Variants in ZNF234 observed in about 807,000 individuals in gnomAD.
ZNF234 encodes zinc finger protein 234, also known as C2-H2 type zinc finger protein.
Under a neutral mutation model 10.3 loss-of-function variants are expected in ZNF234, and 4 were observed. The observed-to-expected ratio is 0.39, with a 90% CI of 0.19 to 0.89. The LOEUF is 0.89. Among genes scored for constraint, ZNF234 ranks in the 40% least tolerant of loss-of-function variants. The pLI is 0.38. For synonymous variants in ZNF234, 258 were observed against 280.1 expected (o/e 0.92, Z 0.79); for missense variants, 711 against 836.1 (o/e 0.85, Z 1.85).
rs1281623194 is a variant in ZNF234, at chr19:44,148,796, C to G, written c.41C>G (p.Ala14Gly). 1 of 1,613,948 alleles carries G rather than the reference C, an allele frequency of 6.2e-7. No homozygotes were observed. Among genetic ancestry groups the G allele is most frequent in the East Asian group, 2.2e-5 (1 of 44,866 alleles). ...GAGGGACTGACCTTCAAGGATGTGGCTGTGGTCTTCACTGAGGAGGAGCTG... is the reference window on the plus strand; with the variant it reads ...GAGGGACTGACCTTCAAGGATGTGGGTGTGGTCTTCACTGAGGAGGAGCTG... ...FKEGLTFKDV[A>G]VVFTEEELGL... is the part of the protein sequence containing the mutation. The change falls in exon 4 of 6, where the codon GCT (alanine) becomes GGT (glycine). Residue 14 changes from alanine to glycine, a missense_variant. By Grantham distance (60) the Ala-to-Gly change is moderately conservative. Transcript: ENST00000426739.
chr19:44,150,595 G>A, intron 5 of ZNF234, 90 bp downstream of exon 5: 2 of 1,055,352 alleles, frequency 1.9e-6, no homozygotes, highest in Non-Finnish European at 2.7e-6. Flanking sequence ...GGTCCAAATT[G>A]CCAAACCTCT....
chr19:44,147,523 C>T lies in ZNF234; in HGVS notation c.16-1248C>T, dbSNP rs565648680. On this transcript the variant is annotated intron_variant, in intron 3 of 5. Transcript: ENST00000426739. The stretch of plus-strand genomic sequence containing the variant: ...AAAGTGCTGGGATTACAGGTGTGAG[C>T]GACTGTGCATGGCCTGCAATCATTT... 7.2e-5 allele frequency among the ~76,000 whole-genome samples: 11 copies of T among 152,172 alleles called. No homozygotes were observed. In the South Asian group the frequency reaches 1.5e-3, roughly 20 times the overall value.
intron 1 of ZNF234, 106 bp from the exon 2 acceptor site, chr19:44,142,208 T>G (rs1481755380): frequency 3.3e-5 from 5 of 152,228 alleles, no homozygotes. Context: ...GACCTCTTTT[T>G]AGGCAGGCGA....
At chr19:44,143,402 G>T (rs946691890) in intron 2 of ZNF234, among the ~76,000 whole-genome samples, 2 of 152,152 alleles carry the variant, frequency 1.3e-5, no homozygotes, top group Admixed American at 1.3e-4. Context: ...GAGGTCAGGA[G>T]ATCAAGACCA....
At chr19:44,150,556 A>T (rs1968715623) in intron 5 of ZNF234, 51 bp downstream of exon 5, 1 of 1,447,326 alleles carries the variant, frequency 6.9e-7, no homozygotes, top group South Asian at 1.3e-5. Context: ...CATCTGTTGT[A>T]CTTCTCTCCC....
At position 44,141,967 on chromosome 19, in the gene ZNF234, T is replaced by C. The variant is rs997861085; in HGVS notation, c.-131+234T>C. ...TGGCGTGTTAATCTCCCTGGGCCTC[T>C]CCTTGCTGTTCTTTAAAATGGGGAC... On this transcript the variant is annotated intron_variant, in intron 1 of 5. Transcript: ENST00000426739. This position sits in a 1 kb window ranked among gnomAD's most constrained non-coding sequence, Gnocchi z 4.6. 3.3e-5 allele frequency: 5 copies of C among 152,360 alleles called. No homozygotes were observed. Among genetic ancestry groups the C allele is most frequent in the African/African-American group, 9.6e-5 (4 of 41,472 alleles). 9.4% of individuals were successfully genotyped at this position (152,360 alleles called of 1,614,324 possible).
chr19:44,148,905 C>A lies in ZNF234; in HGVS notation c.142+8C>A. 6.2e-7 allele frequency: 1 copy of A among 1,611,250 alleles called. No homozygotes were observed. Among genetic ancestry groups the A allele is most frequent in the Non-Finnish European group, 8.5e-7 (1 of 1,178,486 alleles). On this transcript the variant is annotated splice_region_variant and intron_variant, in intron 4 of 5. Coordinates refer to ENST00000426739, the MANE Select transcript of ZNF234 (RefSeq NM_006630.3). The stretch of plus-strand genomic sequence containing the variant: ...GGAACCTGCTGTCAGTGGGTGAGGA[C>A]ATGAGCTTTCTAACACTCAATGTCA...
rs1042915065 is a variant in ZNF234, at chr19:44,158,834, A to C, written c.*715A>C. Reference sequence around the variant, plus strand: ...TGATGTCCATTAGACTGTAAGCTCCATGGGGGCAGGAACTTTGCTACCGAA... The same window carrying C: ...TGATGTCCATTAGACTGTAAGCTCCCTGGGGGCAGGAACTTTGCTACCGAA... On this transcript the variant is annotated 3_prime_UTR_variant, in exon 6 of 6. Transcript: ENST00000426739. 1.2e-4 allele frequency: 18 copies of C among 152,712 alleles called. No homozygotes were observed. Among genetic ancestry groups the C allele is most frequent in the African/African-American group, 3.6e-4 (15 of 41,262 alleles). 9.5% of individuals were successfully genotyped at this position (152,712 alleles called of 1,614,324 possible). A position where few individuals can be genotyped will look rare whatever the true frequency, so the allele number is the denominator to read the frequency against.
At chr19:44,143,011 A>G (rs1447321007) in intron 2 of ZNF234, among the ~76,000 whole-genome samples, 1 of 152,218 alleles carries the variant, frequency 6.6e-6, no homozygotes, top group Non-Finnish European at 1.5e-5. Context: ...AGATAAAGAG[A>G]TAATAAACTA....
In ZNF234 at chr19:44,157,923, C is replaced by T; in HGVS notation, c.1907C>T (p.Ser636Phe). 6.2e-7 allele frequency: 1 copy of T among 1,614,074 alleles called. No homozygotes were observed. The highest frequency in any genetic ancestry group is 1.1e-5 in the South Asian group (1 of 91,078). ...GTATGTGGTAAAGTCTTCAGTCGGT[C>T]TTCACAATTACAGTATCATAGGCGA... ...CDVCGKVFSR[S>F]SQLQYHRRVH... The change falls in exon 6 of 6, where the codon TCT (serine) becomes TTT (phenylalanine). Residue 636 changes from serine to phenylalanine, a missense_variant. By Grantham distance (155) the Ser-to-Phe change is radical (BLOSUM62 -2). Coordinates refer to ENST00000426739, the MANE Select transcript of ZNF234 (RefSeq NM_006630.3).
chr19:44,157,355 C>A lies in ZNF234; in HGVS notation c.1339C>A (p.Leu447Met), dbSNP rs1482690686. Reference sequence around the variant, plus strand: ...TCAGAGTTCATATCTTAAAATCCATCTGAAAGCACATAGTGTACAGAAACC... The same window carrying A: ...TCAGAGTTCATATCTTAAAATCCATATGAAAGCACATAGTGTACAGAAACC... The part of the protein sequence containing the change: ...FRQSSYLKIH[L>M]KAHSVQKPFK... Residue 447 changes from leucine (L) to methionine (M), a missense_variant, in exon 6 of 6, where the codon CTG becomes ATG. By Grantham distance (15) the Leu-to-Met change is conservative. Transcript: ENST00000426739. 1 of 1,613,816 alleles carries A rather than the reference C, an allele frequency of 6.2e-7. No homozygotes were observed. Among genetic ancestry groups the A allele is most frequent in the African/African-American group, 1.3e-5 (1 of 74,890 alleles).
intron 3 of ZNF234, 153 bp from the exon 4 acceptor site, chr19:44,148,618 T>G: frequency 9.6e-7 from 1 of 1,040,290 alleles, no homozygotes; most frequent in Non-Finnish European, 1.5e-6. Context: ...AAGTGTGGCA[T>G]TGGTAAGATG....
At chr19:44,146,606 C>T (rs945527747) in intron 3 of ZNF234, among the ~76,000 whole-genome samples, 1 of 152,016 alleles carries the variant, frequency 6.6e-6, no homozygotes, top group African/African-American at 2.4e-5. Flanking sequence ...AAGAGAAAAA[C>T]AAGTTGGGGC....
chr19:44,157,619 A>T lies in ZNF234; in HGVS notation c.1603A>T (p.Ser535Cys). Reference protein sequence around the residue: ...SHLLTHQRVHSGEKPFKCEEC... With the variant: ...SHLLTHQRVHCGEKPFKCEEC... ...TCTTCTAACCCATCAGAGAGTTCAC[A>T]GTGGGGAAAAACCATTTAAATGTGA... The change falls in exon 6 of 6, where the codon AGT (serine) becomes TGT (cysteine). Residue 535 changes from serine (S) to cysteine (C), a missense_variant. By Grantham distance (112) the Ser-to-Cys change is moderately radical. Transcript: ENST00000426739. 1.2e-6 allele frequency: 2 copies of T among 1,614,090 alleles called. No homozygotes were observed. The highest frequency in any genetic ancestry group is 1.7e-6 in the Non-Finnish European group (2 of 1,180,002).
Position 44,150,453 on chromosome 19 carries a change from G to T in ZNF234, c.183G>T (p.Lys61Asn). 1 of 1,589,314 alleles carries T rather than the reference G, an allele frequency of 6.3e-7. No homozygotes were observed. Among genetic ancestry groups the T allele is most frequent in the Non-Finnish European group, 8.6e-7 (1 of 1,167,334 alleles). The change falls in exon 5 of 6, where the codon AAG becomes AAT. Residue 61 changes from lysine (K) to asparagine (N), a missense_variant. Coordinates refer to ENST00000426739, the MANE Select transcript of ZNF234 (RefSeq NM_006630.3). Reference protein sequence around the residue: ...PFKHDVFLLEKEKKLDIMKTA... With the variant: ...PFKHDVFLLENEKKLDIMKTA... ...AACATGATGTATTCCTTTTAGAAAA[G>T]GAAAAAAAGCTTGATATAATGAAGA...
intron 5 of ZNF234, among the ~76,000 whole-genome samples, chr19:44,154,673 C>T (rs1252657068): frequency 6.9e-6 from 1 of 143,918 alleles, no homozygotes; most frequent in Non-Finnish European, 1.5e-5. Flanking sequence ...CACTGTGTCC[C>T]TCAGGCTGAA....
intron 2 of ZNF234, among the ~76,000 whole-genome samples, chr19:44,143,478 G>A (rs1235224458): frequency 6.6e-6 from 1 of 152,096 alleles, no homozygotes; most frequent in Non-Finnish European, 1.5e-5. Context: ...GCGTGTTGGC[G>A]GGCACCTGTA....
chr19:44,157,926 C>T lies in ZNF234; in HGVS notation c.1910C>T (p.Ser637Leu). 6.2e-7 allele frequency: 1 copy of T among 1,614,118 alleles called. No individual in the cohort carries two copies. The highest frequency in any genetic ancestry group is 1.1e-5 in the South Asian group (1 of 91,080). ...DVCGKVFSRS[S>L]QLQYHRRVHT... is the part of the protein sequence containing the mutation. The stretch of plus-strand genomic sequence containing the variant: ...TGTGGTAAAGTCTTCAGTCGGTCTT[C>T]ACAATTACAGTATCATAGGCGAGTT... The change falls in exon 6 of 6, where the codon TCA becomes TTA. Residue 637 changes from serine (S) to leucine (L), a missense_variant. Transcript: ENST00000426739.
chr19:44,144,135 A>G lies in ZNF234; in HGVS notation c.-76-422A>G, dbSNP rs779123345. On this transcript the variant is annotated intron_variant, in intron 2 of 5. Transcript: ENST00000426739. Reference sequence around the variant, plus strand: ...TAGTTTAGATCATTTTCATCCCCCAATTGGACTCCTCTTGCCCATTTACAG... The same window carrying G: ...TAGTTTAGATCATTTTCATCCCCCAGTTGGACTCCTCTTGCCCATTTACAG... Among the ~76,000 whole-genome samples, 10 of 152,082 alleles carry G rather than the reference A, an allele frequency of 6.6e-5. No individual in the cohort carries two copies. The East Asian group carries it at 7.7e-4, about 12-fold the overall frequency.
Sources: gnomAD v4.1 joint callset for allele counts (sites outside exome capture counted in the v4.1 genomes callset) on GRCh38, gnomAD v4.1.1 for gene constraint, Gnocchi (gnomAD v3.1) non-coding constraint, MANE v1.5 for transcripts, NCBI Gene and HGNC (gene_info 2026-07-23, HGNC 2026-07-21) for gene names.